The following SCRG1 variants were observed in gnomAD, a reference collection of about 807,000 sequenced individuals.
SCRG1 encodes the protein stimulator of chondrogenesis 1, also known as scrapie-responsive protein 1.
A neutral mutation model predicts 7.7 loss-of-function variants in SCRG1; 3 were observed. That is an observed-to-expected ratio of 0.39 (90% CI 0.18 to 1.01). The LOEUF (loss-of-function observed/expected upper bound fraction) is 1.01. SCRG1 is among the 50% of genes least tolerant of loss of function. SCRG1 has a pLI of 0.36. For missense variants in SCRG1, 110 were observed against 117.2 expected, an observed-to-expected ratio of 0.94 and a Z score of 0.28; for synonymous variants, 46 against 41.2, an observed-to-expected ratio of 1.12 and a Z score of -0.44.
chr4:173,483,751 GTGATATATCATATATATGATATA>G, the SCRG1 span, among the ~76,000 whole-genome samples: 1 of 3,452 alleles, frequency 2.9e-4, no homozygotes, highest in Non-Finnish European at 6.5e-4. Context: ...TATATTATAT[GTGATATATCATATATATGATATA>G]TGATATATCA....
chr4:173,436,373 G>A, the SCRG1 span, among the ~76,000 whole-genome samples: 1 of 152,118 alleles, frequency 6.6e-6, no homozygotes, highest in Non-Finnish European at 1.5e-5. Context: ...GTTATGTGCT[G>A]CTCAGGACTG....
At chr4:173,434,995 T>C in the SCRG1 span, among the ~76,000 whole-genome samples, 3 of 152,038 alleles carry the variant, frequency 2.0e-5, no homozygotes, top group Non-Finnish European at 2.9e-5. Flanking sequence ...AGGATTGGGA[T>C]CCTAGGAATT....
chr4:173,479,940 G>A, the SCRG1 span, among the ~76,000 whole-genome samples: 1 of 152,134 alleles, frequency 6.6e-6, no homozygotes, highest in African/African-American at 2.4e-5. Context: ...ATGTGATCCT[G>A]ATGCCATGCA....
the SCRG1 span, among the ~76,000 whole-genome samples, chr4:173,495,279 T>C: frequency 1.3e-5 from 2 of 152,256 alleles, no homozygotes; most frequent in African/African-American, 2.4e-5. Flanking sequence ...TTTGCACATA[T>C]GGATATAATG....
the SCRG1 span, among the ~76,000 whole-genome samples, chr4:173,512,835 G>A: frequency 2.0e-5 from 3 of 152,226 alleles, no homozygotes; most frequent in Non-Finnish European, 2.9e-5. Context: ...TCACATTGAT[G>A]TAAATGAAGG....
At position 173,388,307 on chromosome 4, in the gene SCRG1, C is replaced by G; in HGVS notation, c.*34G>C. On this transcript the variant is annotated 3_prime_UTR_variant, in exon 3 of 3. Coordinates refer to ENST00000296506, the MANE Select transcript of SCRG1 (RefSeq NM_007281.4). Reference sequence around the variant, plus strand: ...TGATGTAGTGCAGTTTGTGGGAAATCAGGAATGGTGTTCTCCAGAATACAT... The same window carrying G: ...TGATGTAGTGCAGTTTGTGGGAAATGAGGAATGGTGTTCTCCAGAATACAT... The G allele has an allele frequency of 6.5e-7, 1 of 1,542,556 alleles. No homozygotes were observed. The highest frequency in any genetic ancestry group is 1.1e-5 in the South Asian group (1 of 87,656).
rs1739231749 is a variant in SCRG1, at chr4:173,385,939, C to T, written c.*2402G>A. 2 of 152,076 alleles carry T rather than the reference C, an allele frequency of 1.3e-5. No individual in the cohort carries two copies. Among genetic ancestry groups the T allele is most frequent in the Non-Finnish European group, 2.9e-5 (2 of 68,016 alleles). 9.4% of individuals were successfully genotyped at this position (152,076 alleles called of 1,614,324 possible). On this transcript the variant is annotated 3_prime_UTR_variant, in exon 3 of 3. Coordinates refer to ENST00000296506, the MANE Select transcript of SCRG1 (RefSeq NM_007281.4). ...GCATTGTTCCAGAATGGATATGAAA[C>T]TTTCATTATTGAGTTAGGCTGATTT...
At position 173,386,301 on chromosome 4, in the gene SCRG1, A is replaced by ATT. The variant is rs11302799; in HGVS notation, c.*2038_*2039dup. 27 of 117,000 alleles carry ATT rather than the reference A, an allele frequency of 2.3e-4. No individual in the cohort carries two copies. Among genetic ancestry groups the ATT allele is most frequent in the African/African-American group, 4.6e-4 (15 of 32,566 alleles). 7.2% of individuals were successfully genotyped at this position (117,000 alleles called of 1,614,324 possible). A position where few individuals can be genotyped will look rare whatever the true frequency, so the allele number is the denominator to read the frequency against. On this transcript the variant is annotated 3_prime_UTR_variant, in exon 3 of 3. Transcript: ENST00000296506. ...AGGCGCCTGCCACCACGCCCAGCTA[A>ATT]TTTTTTTTTTTTTTTTTTTTGTATT...
chr4:173,432,895 C>T, the SCRG1 span, among the ~76,000 whole-genome samples: 1 of 152,076 alleles, frequency 6.6e-6, no homozygotes, highest in South Asian at 2.1e-4. Flanking sequence ...TTGGTTGAAG[C>T]TGGTGGTCTT....
the SCRG1 span, among the ~76,000 whole-genome samples, chr4:173,481,482 C>T: frequency 1.3e-5 from 2 of 152,152 alleles, no homozygotes; most frequent in Admixed American, 1.3e-4. Flanking sequence ...CATCTACAAA[C>T]CCTTGAACAA....
the SCRG1 span, among the ~76,000 whole-genome samples, chr4:173,505,135 G>T: frequency 1.3e-5 from 2 of 152,084 alleles, no homozygotes; most frequent in Non-Finnish European, 2.9e-5. This position sits in a 1 kb window ranked among gnomAD's most constrained non-coding sequence, Gnocchi z 4.4. Context: ...TCCAACTTTA[G>T]AATTGCCCCC....
chr4:173,418,379 G>T, the SCRG1 span, among the ~76,000 whole-genome samples: 33 of 152,324 alleles, frequency 2.2e-4, no homozygotes, highest in Admixed American at 9.1e-4. Context: ...TTCAGTCCTG[G>T]CTCCTGGAAG....
chr4:173,392,957 G>A (rs534825982), intron 1 of SCRG1, among the ~76,000 whole-genome samples: 1 of 152,280 alleles, frequency 6.6e-6, no homozygotes, highest in South Asian at 2.1e-4. Flanking sequence ...CAGGCATGGT[G>A]GCATGCGCCT....
At chr4:173,515,578 G>A in the SCRG1 span, among the ~76,000 whole-genome samples, 2 of 126,170 alleles carry the variant, frequency 1.6e-5, no homozygotes, top group Non-Finnish European at 3.6e-5. This position sits in a 1 kb window ranked among gnomAD's most constrained non-coding sequence, Gnocchi z 4.6. Flanking sequence ...AGAGGTGTGT[G>A]TGTGTGTCTG....
At chr4:173,413,573 T>C in the SCRG1 span, among the ~76,000 whole-genome samples, 1 of 152,146 alleles carries the variant, frequency 6.6e-6, no homozygotes, top group East Asian at 1.9e-4. Flanking sequence ...TAACCCTCTC[T>C]GAGAGCTGGT....
chr4:173,472,914 A>T, the SCRG1 span, among the ~76,000 whole-genome samples: 1 of 152,232 alleles, frequency 6.6e-6, no homozygotes, highest in Admixed American at 6.5e-5. Flanking sequence ...CAGTAATTTT[A>T]ATAATTATAT....
the SCRG1 span, among the ~76,000 whole-genome samples, chr4:173,424,984 G>A: frequency 4.1e-5 from 6 of 146,244 alleles, no homozygotes; most frequent in Admixed American, 7.2e-5. Flanking sequence ...GTAAACCCAA[G>A]CACAATAAGA....
At chr4:173,490,444 C>G in the SCRG1 span, among the ~76,000 whole-genome samples, 1 of 152,162 alleles carries the variant, frequency 6.6e-6, no homozygotes, top group Non-Finnish European at 1.5e-5. Context: ...GGCCCAGGAA[C>G]CAGAAGGCAG....
At chr4:173,476,363 A>AAAAAAAAAAAATATATAT in the SCRG1 span, among the ~76,000 whole-genome samples, 2 of 98,484 alleles carry the variant, frequency 2.0e-5, no homozygotes, top group Non-Finnish European at 4.6e-5. Context: ...GGAAAAAAAA[A>AAAAAAAAAAAATATATAT]ATATATATAT....
Sources: allele counts gnomAD v4.1 joint callset (sites outside exome capture counted in the v4.1 genomes callset), GRCh38; gene constraint gnomAD v4.1.1; non-coding constraint Gnocchi (gnomAD v3.1); transcripts MANE v1.5; gene names NCBI Gene and HGNC (gene_info 2026-07-23, HGNC 2026-07-21).